The following WDPCP variants were observed in gnomAD, a reference collection of about 807,000 sequenced individuals.
The protein encoded by WDPCP is WD repeat containing planar cell polarity effector, also known as WD repeat-containing and planar cell polarity effector protein fritz homolog.
WDPCP carries 71 observed loss-of-function variants against 93.1 expected under a neutral mutation model. The observed-to-expected ratio is 0.76, with a 90% CI of 0.63 to 0.93. WDPCP has a LOEUF of 0.93. Ranked by LOEUF, WDPCP falls within the 40% of genes least tolerant of loss-of-function variation. The pLI is 0.00. For synonymous variants in WDPCP, 315 were observed against 315.0 expected (o/e 1.00, Z 0.00); for missense variants, 844 against 887.4 (o/e 0.95, Z 0.62).
chr2:63,630,157 T>A (rs1364223672), intron 3 of WDPCP, among the ~76,000 whole-genome samples: 6 of 151,780 alleles, frequency 4.0e-5, no homozygotes, highest in African/African-American at 1.5e-4. Context: ...AAAAACTGTA[T>A]CTAAATAAAT....
chr2:63,285,425 C>A (rs1683917615), intron 13 of WDPCP, among the ~76,000 whole-genome samples: 1 of 143,218 alleles, frequency 7.0e-6, no homozygotes. Flanking sequence ...CAGAGTGAGA[C>A]TCCATCTCAA....
rs974899404 is a variant in WDPCP, at chr2:63,488,665, T to C, written c.161-1171A>G. Among the ~76,000 whole-genome samples the C allele has an allele frequency of 3.9e-5, 6 of 152,014 alleles. No homozygotes were observed. In the South Asian group the frequency reaches 1.0e-3, roughly 26 times the overall value. ...TATGATCTTTACACTTTTCAGTACATATATTATACTTCAATAAAAAGGCTT... is the reference window on the plus strand; with the variant it reads ...TATGATCTTTACACTTTTCAGTACACATATTATACTTCAATAAAAAGGCTT... On this transcript the variant is annotated intron_variant, in intron 2 of 17. Coordinates refer to ENST00000272321, the MANE Select transcript of WDPCP (RefSeq NM_015910.7).
At chr2:63,828,910 T>C (rs1671153430), upstream of WDPCP, among the ~76,000 whole-genome samples, 2 of 152,208 alleles carry the variant, frequency 1.3e-5, no homozygotes, top group South Asian at 4.1e-4. Context: ...CTATCATTTT[T>C]TTACTCAAGA....
intron 12 of WDPCP, among the ~76,000 whole-genome samples, chr2:63,372,922 G>A (rs1691520598): frequency 6.6e-6 from 1 of 152,084 alleles, no homozygotes; most frequent in African/African-American, 2.4e-5. Flanking sequence ...TTGGGAGTTT[G>A]AGACCAGCCT....
intron 2 of WDPCP, among the ~76,000 whole-genome samples, chr2:63,786,717 C>A (rs893922934): frequency 6.6e-6 from 1 of 152,120 alleles, no homozygotes; most frequent in South Asian, 2.1e-4. Flanking sequence ...AAAGCATGAT[C>A]CGCAGAAACA....
chr2:63,247,458 T>C (rs1004433615), intron 14 of WDPCP, among the ~76,000 whole-genome samples: 1 of 152,180 alleles, frequency 6.6e-6, no homozygotes, highest in South Asian at 2.1e-4. Context: ...GGAATGATGG[T>C]GATGCCAAAC....
At chr2:63,242,211 AAGG>A (rs1679909967) in intron 14 of WDPCP, among the ~76,000 whole-genome samples, 1 of 152,172 alleles carries the variant, frequency 6.6e-6, no homozygotes, top group Admixed American at 6.5e-5. Flanking sequence ...TACATTTTAA[AAGG>A]AGATGGCAAC....
intron 9 of WDPCP, among the ~76,000 whole-genome samples, chr2:63,408,543 C>T (rs567431679): frequency 2.0e-5 from 3 of 152,252 alleles, no homozygotes; most frequent in Admixed American, 2.0e-4. Context: ...AAATCTCTAG[C>T]TGAACTGTGT....
intron 14 of WDPCP, among the ~76,000 whole-genome samples, chr2:63,201,163 A>G (rs1029808455): frequency 1.3e-5 from 2 of 152,042 alleles, no homozygotes; most frequent in African/African-American, 4.8e-5. Flanking sequence ...TGGCACCTTC[A>G]CCTTCACCTT....
At chr2:63,267,712 A>G (rs534839390) in intron 13 of WDPCP, among the ~76,000 whole-genome samples, 1 of 152,304 alleles carries the variant, frequency 6.6e-6, no homozygotes, top group South Asian at 2.1e-4. Flanking sequence ...GCCAACAGAT[A>G]CATGAAAAAC....
At chr2:63,809,450 G>A (rs1278763365) in intron 2 of WDPCP, among the ~76,000 whole-genome samples, 1 of 152,252 alleles carries the variant, frequency 6.6e-6, no homozygotes. Flanking sequence ...GATGACAATG[G>A]CGGTTTTGTG....
chr2:63,287,811 A>G (rs780721760), intron 13 of WDPCP, among the ~76,000 whole-genome samples: 1 of 152,204 alleles, frequency 6.6e-6, no homozygotes, highest in Non-Finnish European at 1.5e-5. Context: ...CTGACTGGAG[A>G]GTTCCAATTG....
At chr2:63,643,510 G>T (rs1710009328) in intron 3 of WDPCP, 2 of 403,892 alleles carry the variant, frequency 5.0e-6, no homozygotes, top group South Asian at 4.1e-5. Flanking sequence ...CCATACACAG[G>T]TTACCAATGT....
intron 1 of WDPCP, among the ~76,000 whole-genome samples, chr2:63,581,069 T>TA (rs917330425): frequency 5.3e-5 from 8 of 151,822 alleles, no homozygotes; most frequent in East Asian, 3.9e-4. Context: ...AATAAAAGAC[T>TA]AAAAAAAATA....
At chr2:63,342,066 G>C (rs1409074694) in intron 12 of WDPCP, among the ~76,000 whole-genome samples, 1 of 152,128 alleles carries the variant, frequency 6.6e-6, no homozygotes, top group Non-Finnish European at 1.5e-5. Flanking sequence ...TTCCACCTGA[G>C]AGCATCAGGA....
intron 13 of WDPCP, among the ~76,000 whole-genome samples, chr2:63,264,965 C>T (rs1681975901): frequency 6.6e-6 from 1 of 152,132 alleles, no homozygotes; most frequent in African/African-American, 2.4e-5. Flanking sequence ...TTCTGAACAA[C>T]CAATTGGCCA....
intron 10 of WDPCP, among the ~76,000 whole-genome samples, chr2:63,392,386 C>A (rs1693336131): frequency 6.6e-6 from 1 of 152,162 alleles, no homozygotes; most frequent in Middle Eastern, 3.2e-3. Flanking sequence ...AAAGTTAATT[C>A]AAGATGGATC....
chr2:63,674,030 G>T (rs148422239), intron 2 of WDPCP, among the ~76,000 whole-genome samples: 319 of 152,174 alleles, frequency 2.1e-3, no homozygotes, highest in Non-Finnish European at 3.9e-3. Context: ...TTCTGTATTT[G>T]TCTCATGTCC....
chr2:63,343,119 G>A (rs1438039495), intron 12 of WDPCP, among the ~76,000 whole-genome samples: 1 of 152,048 alleles, frequency 6.6e-6, no homozygotes, highest in East Asian at 1.9e-4. Context: ...TCCTGCCTCA[G>A]CCTTCCGAGT....
Sources: gnomAD v4.1 joint callset for allele counts (sites outside exome capture counted in the v4.1 genomes callset) on GRCh38, gnomAD v4.1.1 for gene constraint, MANE v1.5 for transcripts, NCBI Gene and HGNC (gene_info 2026-07-23, HGNC 2026-07-21) for gene names.